Variants in LRP12 observed in about 807,000 individuals in gnomAD.
LRP12 encodes the protein LDL receptor related protein 12.
In LRP12, 14 loss-of-function variants were observed where a neutral mutation model predicts 66.0. The ratio of observed to expected loss-of-function variants is 0.21; its 90% confidence interval spans 0.14 to 0.33. The LOEUF is 0.33. Ranked by LOEUF, LRP12 falls within the 10% of genes least tolerant of loss-of-function variation. The pLI, the probability that LRP12 is intolerant of heterozygous loss-of-function variation, is 1.00. For synonymous variants in LRP12, 357 were observed against 359.1 expected (o/e 0.99, Z 0.07); for missense variants, 889 against 1,053.4 (o/e 0.84, Z 2.16).
intron 1 of LRP12, among the ~76,000 whole-genome samples, chr8:104,585,116 TCTA>T (rs1241652547): frequency 6.6e-6 from 1 of 152,238 alleles, no homozygotes; most frequent in East Asian, 1.9e-4. Context: ...TGTGAACAGT[TCTA>T]CGACTATCAA....
chr8:104,520,184 G>A (rs1338098178), intron 2 of LRP12, among the ~76,000 whole-genome samples: 1 of 151,930 alleles, frequency 6.6e-6, no homozygotes, highest in Non-Finnish European at 1.5e-5. Context: ...GAATAATTTA[G>A]GATTTTGCTA....
At chr8:104,579,466 G>A (rs186922041) in intron 1 of LRP12, among the ~76,000 whole-genome samples, 153 of 152,208 alleles carry the variant, frequency 1.0e-3, no homozygotes, top group Admixed American at 2.4e-3. Flanking sequence ...TATGTTTATG[G>A]GTAAGAAGAA....
chr8:104,507,501 A>C (rs1810927240), intron 3 of LRP12: 1 of 152,186 alleles, frequency 6.6e-6, no homozygotes, highest in Non-Finnish European at 1.5e-5. Flanking sequence ...ACTGAGCTAT[A>C]AGTTGTAAGT....
intron 1 of LRP12, among the ~76,000 whole-genome samples, chr8:104,533,686 AC>A (rs1811358476): frequency 6.6e-6 from 1 of 151,996 alleles, no homozygotes; most frequent in African/African-American, 2.4e-5. Context: ...ATCAGATTTT[AC>A]TTTTTTAAAA....
intron 1 of LRP12, among the ~76,000 whole-genome samples, chr8:104,584,289 C>G (rs1812297362): frequency 6.6e-6 from 1 of 151,520 alleles, no homozygotes; most frequent in Non-Finnish European, 1.5e-5. Context: ...TAAAAATATT[C>G]TATGTTTACT....
intron 1 of LRP12, among the ~76,000 whole-genome samples, chr8:104,536,360 C>T (rs1038893439): frequency 6.6e-6 from 1 of 152,002 alleles, no homozygotes; most frequent in African/African-American, 2.4e-5. Flanking sequence ...TAGCATCTGA[C>T]ACTGTCACTT....
intron 1 of LRP12, among the ~76,000 whole-genome samples, chr8:104,545,833 T>C (rs926500372): frequency 6.6e-6 from 1 of 152,214 alleles, no homozygotes; most frequent in African/African-American, 2.4e-5. Flanking sequence ...GATGTATGCC[T>C]GTATATTACT....
intron 1 of LRP12, among the ~76,000 whole-genome samples, chr8:104,586,192 G>A (rs914014304): frequency 1.3e-5 from 2 of 152,166 alleles, no homozygotes; most frequent in African/African-American, 4.8e-5. Context: ...ACAATTTAGA[G>A]TTTCAGGTAA....
chr8:104,492,640 TA>T (rs1469847744), intron 6 of LRP12, among the ~76,000 whole-genome samples: 129 of 152,244 alleles, frequency 8.5e-4, no homozygotes, highest in African/African-American at 3.0e-3. Flanking sequence ...TTGTGACTGG[TA>T]TTGCATTTAT....
intron 1 of LRP12, among the ~76,000 whole-genome samples, chr8:104,535,168 T>C (rs910646907): frequency 9.2e-5 from 14 of 151,768 alleles, no homozygotes; most frequent in African/African-American, 3.1e-4. Context: ...AATCAGAAAA[T>C]AGTTTGTTAT....
rs570493581 is a variant in LRP12 at position 104,510,980 on chromosome 8, C to A, written c.137-1906G>T. Among the ~76,000 whole-genome samples, 6 of 150,016 alleles carry A rather than the reference C, an allele frequency of 4.0e-5. No homozygotes were observed. In the South Asian group the frequency reaches 8.4e-4, roughly 21 times the overall value. ...CTGCTGTAGTTTAAAAATCAGGTAA[C>A]CCAAGAGATGGCCAAATACCACTAT... is the stretch of plus-strand genomic sequence containing the variant. On this transcript the variant is annotated intron_variant, in intron 2 of 6. Coordinates refer to ENST00000276654, the MANE Select transcript of LRP12 (RefSeq NM_013437.5).
At chr8:104,545,742 T>C (rs1811546440) in intron 1 of LRP12, among the ~76,000 whole-genome samples, 1 of 152,198 alleles carries the variant, frequency 6.6e-6, no homozygotes, top group East Asian at 1.9e-4. Flanking sequence ...TTATATGCAC[T>C]GGAAAACCAA....
At chr8:104,492,240 G>A (rs190370631) in intron 6 of LRP12, among the ~76,000 whole-genome samples, 1 of 152,122 alleles carries the variant, frequency 6.6e-6, no homozygotes, top group Admixed American at 6.5e-5. Flanking sequence ...ATTTTCTATA[G>A]TTTAGTATTA....
chr8:104,567,469 G>A (rs867222439), intron 1 of LRP12, among the ~76,000 whole-genome samples: 10 of 152,268 alleles, frequency 6.6e-5, no homozygotes, highest in Middle Eastern at 3.4e-3. Context: ...TAACACGAGG[G>A]AATTCTGGGA....
intron 4 of LRP12, among the ~76,000 whole-genome samples, chr8:104,498,822 T>C (rs908229164): frequency 6.6e-6 from 1 of 152,258 alleles, no homozygotes; most frequent in Non-Finnish European, 1.5e-5. Flanking sequence ...TCTTGCATTT[T>C]GATCTAAAAG....
chr8:104,490,437 G>T lies in LRP12; in HGVS notation c.*236C>A, dbSNP rs184439703. 2.0e-5 allele frequency: 9 copies of T among 441,628 alleles called. No homozygotes were observed. In the Admixed American group the frequency reaches 3.2e-4, roughly 16 times the overall value. 27.4% of individuals were successfully genotyped at this position (441,628 alleles called of 1,614,324 possible). A position where few individuals can be genotyped will look rare whatever the true frequency, so the allele number is the denominator to read the frequency against. On this transcript the variant is annotated 3_prime_UTR_variant, in exon 7 of 7. Coordinates refer to ENST00000276654, the MANE Select transcript of LRP12 (RefSeq NM_013437.5). ...AGGATGAAAACAATCAGAAACAAAT[G>T]AAAGGACATTATTGAACAATATGAA... is the stretch of plus-strand genomic sequence containing the variant.
At chr8:104,563,645 C>T (rs1191204235) in intron 1 of LRP12, among the ~76,000 whole-genome samples, 1 of 152,090 alleles carries the variant, frequency 6.6e-6, no homozygotes, top group Admixed American at 6.5e-5. Context: ...GTGATTACGT[C>T]ATGAGGGCTC....
At chr8:104,501,966 T>C (rs530522202) in intron 3 of LRP12, among the ~76,000 whole-genome samples, 37 of 152,310 alleles carry the variant, frequency 2.4e-4, no homozygotes, top group Non-Finnish European at 4.3e-4. Flanking sequence ...AGTTTTTACA[T>C]TTATAGCTGA....
intron 1 of LRP12, among the ~76,000 whole-genome samples, chr8:104,535,589 CCAAAT>C (rs1564138215): frequency 6.6e-6 from 1 of 151,946 alleles, no homozygotes. Context: ...TATGTACCAG[CCAAAT>C]CCTAAGTGCC....
Sources: gnomAD v4.1 joint callset for allele counts (sites outside exome capture counted in the v4.1 genomes callset) on GRCh38, gnomAD v4.1.1 for gene constraint, MANE v1.5 for transcripts, NCBI Gene and HGNC (gene_info 2026-07-23, HGNC 2026-07-21) for gene names.